Variants in BNC2 observed in about 807,000 individuals in gnomAD.
BNC2 encodes the protein basonuclin zinc finger protein 2.
Under a neutral mutation model 76.3 loss-of-function variants are expected in BNC2, and 20 were observed. The ratio of observed to expected loss-of-function variants is 0.26; its 90% confidence interval spans 0.18 to 0.38. BNC2 has a LOEUF of 0.38. Among genes scored for constraint, BNC2 ranks in the 10% least tolerant of loss-of-function variants. The pLI is 1.00. For missense variants in BNC2, 1,382 were observed against 1,399.8 expected, an observed-to-expected ratio of 0.99 and a Z score of 0.20; for synonymous variants, 582 against 514.8, an observed-to-expected ratio of 1.13 and a Z score of -1.77.
chr9:16,529,292 C>G (rs868726483), intron 5 of BNC2, among the ~76,000 whole-genome samples: 1 of 152,064 alleles, frequency 6.6e-6, no homozygotes, highest in African/African-American at 2.4e-5. Context: ...TGGTCAACCA[C>G]AAGATATATT....
intron 1 of BNC2, among the ~76,000 whole-genome samples, chr9:16,862,758 C>G (rs1422152182): frequency 6.6e-6 from 1 of 152,094 alleles, no homozygotes; most frequent in Non-Finnish European, 1.5e-5. Flanking sequence ...TCACAAGTCC[C>G]TCTTTTCTCT....
At chr9:16,537,299 C>A (rs755863630) in intron 5 of BNC2, among the ~76,000 whole-genome samples, 5 of 152,062 alleles carry the variant, frequency 3.3e-5, no homozygotes, top group Non-Finnish European at 1.5e-5. Flanking sequence ...TGAGTACATA[C>A]GGTTTCCTTG....
intron 4 of BNC2, among the ~76,000 whole-genome samples, chr9:16,573,609 T>C (rs1469687970): frequency 2.6e-5 from 4 of 152,102 alleles, no homozygotes; most frequent in African/African-American, 4.8e-5. Context: ...GCATTTAAAT[T>C]TGTAGCGTCA....
At chr9:16,841,454 C>T (rs1415321603) in intron 1 of BNC2, among the ~76,000 whole-genome samples, 1 of 152,166 alleles carries the variant, frequency 6.6e-6, no homozygotes, top group Non-Finnish European at 1.5e-5. Flanking sequence ...GCCATCAGAA[C>T]TGTAACTAAT....
At position 16,618,123 on chromosome 9, in the gene BNC2, A is replaced by C. The variant is rs565205143; in HGVS notation, c.331-35038T>G. Among the ~76,000 whole-genome samples, 4 of 152,264 alleles carry C rather than the reference A, an allele frequency of 2.6e-5. No individual in the cohort carries two copies. In the South Asian group the frequency reaches 8.3e-4, roughly 32 times the overall value. ...AATGCCATCAATAATCCCTGATCCCATACCCAATGGAACGCCAGCTACCCT... is the reference window on the plus strand; with the variant it reads ...AATGCCATCAATAATCCCTGATCCCCTACCCAATGGAACGCCAGCTACCCT... On this transcript the variant is annotated intron_variant, in intron 3 of 6. Coordinates refer to ENST00000380672, the MANE Select transcript of BNC2 (RefSeq NM_017637.6).
At chr9:16,546,733 A>T (rs565301292) in intron 5 of BNC2, among the ~76,000 whole-genome samples, 1 of 152,346 alleles carries the variant, frequency 6.6e-6, no homozygotes, top group African/African-American at 2.4e-5. Flanking sequence ...ATCTTAAGTT[A>T]GTCTGTCAGT....
chr9:16,756,174 T>C (rs1264141412), intron 1 of BNC2, among the ~76,000 whole-genome samples: 1 of 152,228 alleles, frequency 6.6e-6, no homozygotes, highest in African/African-American at 2.4e-5. Context: ...TGTCCCCAAC[T>C]TCATAGCCAC....
intron 1 of BNC2, among the ~76,000 whole-genome samples, chr9:16,819,305 T>C (rs1208170091): frequency 6.6e-6 from 1 of 152,198 alleles, no homozygotes; most frequent in Non-Finnish European, 1.5e-5. Flanking sequence ...TTTAATAAAG[T>C]CTACCATAGC....
chr9:16,426,798 A>G (rs1399917666), intron 6 of BNC2, among the ~76,000 whole-genome samples: 1 of 152,208 alleles, frequency 6.6e-6, no homozygotes, highest in Non-Finnish European at 1.5e-5. Flanking sequence ...GCACAGGCAG[A>G]GTCTGAAATG....
Position 16,436,998 on chromosome 9 carries a change from G to A in BNC2, c.1196C>T (p.Pro399Leu), listed in dbSNP as rs758408200. The A allele has an allele frequency of 6.2e-7, 1 of 1,614,114 alleles. No individual in the cohort carries two copies. The highest frequency in any genetic ancestry group is 2.2e-5 in the East Asian group (1 of 44,864). ...ATTCTGAATGGGAGAGACACAGGCT[G>A]GCTCGGTTTTGGGCTCCACATTAGT... ...SITNVEPKTE[P>L]ACVSPIQNSA... is the part of the protein sequence containing the mutation. Residue 399 changes from proline to leucine, a missense_variant, in exon 6 of 7, where the codon CCA becomes CTA. By Grantham distance (98) the Pro-to-Leu change is moderately conservative (BLOSUM62 -3). Around this residue, in one of 3 missense-constraint regions of BNC2, gnomAD observed 557 missense variants for 540.9 expected, o/e 1.03. Transcript: ENST00000380672.
chr9:16,617,558 T>C (rs943276855), intron 3 of BNC2, among the ~76,000 whole-genome samples: 6 of 148,824 alleles, frequency 4.0e-5, no homozygotes, highest in Non-Finnish European at 5.9e-5. Context: ...CGATTATCTA[T>C]AGGAGCTTCT....
At chr9:16,847,269 A>T (rs1002858471) in intron 1 of BNC2, among the ~76,000 whole-genome samples, 1 of 151,972 alleles carries the variant, frequency 6.6e-6, no homozygotes, top group African/African-American at 2.4e-5. Flanking sequence ...TTAAACCAAG[A>T]CTCAAAGAAA....
chr9:16,804,804 C>T (rs1341465642), intron 1 of BNC2, among the ~76,000 whole-genome samples: 1 of 152,084 alleles, frequency 6.6e-6, no homozygotes, highest in Non-Finnish European at 1.5e-5. Context: ...TGGCTCACGC[C>T]TGTAATCCCA....
chr9:16,839,325 T>C (rs989438471), intron 1 of BNC2, among the ~76,000 whole-genome samples: 1 of 152,248 alleles, frequency 6.6e-6, no homozygotes, highest in Non-Finnish European at 1.5e-5. Flanking sequence ...GTTTATATTA[T>C]GCTATGTATC....
chr9:16,522,352 T>A (rs928229592), intron 5 of BNC2, among the ~76,000 whole-genome samples: 1 of 152,180 alleles, frequency 6.6e-6, no homozygotes, highest in South Asian at 2.1e-4. Context: ...CATGCCCGAT[T>A]GATATAAATT....
intron 1 of BNC2, among the ~76,000 whole-genome samples, chr9:16,783,725 C>G (rs1474943278): frequency 6.6e-6 from 1 of 152,182 alleles, no homozygotes; most frequent in African/African-American, 2.4e-5. Flanking sequence ...ATTTAAACCA[C>G]TATTATATTC....
intron 3 of BNC2, among the ~76,000 whole-genome samples, chr9:16,688,809 A>T (rs1281099723): frequency 1.3e-5 from 2 of 152,180 alleles, no homozygotes; most frequent in Non-Finnish European, 2.9e-5. Context: ...GTACTGTAAC[A>T]GGAGGTCAGA....
intron 5 of BNC2, among the ~76,000 whole-genome samples, chr9:16,508,474 C>G (rs1233764934): frequency 6.6e-6 from 1 of 152,222 alleles, no homozygotes; most frequent in African/African-American, 2.4e-5. Flanking sequence ...GATTCTCTCC[C>G]TACAAGACGT....
intron 3 of BNC2, among the ~76,000 whole-genome samples, chr9:16,584,087 A>G (rs1040316543): frequency 6.6e-6 from 1 of 152,168 alleles, no homozygotes; most frequent in African/African-American, 2.4e-5. Flanking sequence ...GACAGAAGGG[A>G]TTTAGTCTGA....
Sources: allele counts gnomAD v4.1 joint callset (sites outside exome capture counted in the v4.1 genomes callset), GRCh38; gene constraint gnomAD v4.1.1; regional missense constraint gnomAD v4.1.1; transcripts MANE v1.5; gene names NCBI Gene and HGNC (gene_info 2026-07-23, HGNC 2026-07-21).